ZHX3: variants seen among roughly 807,000 people sequenced by gnomAD.
ZHX3 encodes the protein zinc fingers and homeoboxes 3, also known as zinc fingers and homeoboxes protein 3.
A neutral mutation model predicts 64.5 loss-of-function variants in ZHX3; 20 were observed. That is an observed-to-expected ratio of 0.31 (90% CI 0.22 to 0.45). The LOEUF is 0.45. Ranked by LOEUF, ZHX3 falls within the 20% of genes least tolerant of loss-of-function variation. The pLI, the probability that ZHX3 is intolerant of heterozygous loss-of-function variation, is 1.00. For synonymous variants in ZHX3, 423 were observed against 461.6 expected, an observed-to-expected ratio of 0.92 and a Z score of 1.07; for missense variants, 1,041 against 1,195.8, an observed-to-expected ratio of 0.87 and a Z score of 1.91.
At chr20:41,284,373 G>T (rs2043834215) in intron 1 of ZHX3, among the ~76,000 whole-genome samples, 2 of 152,080 alleles carry the variant, frequency 1.3e-5, no homozygotes, top group African/African-American at 4.8e-5. Context: ...AGAGCAAGCT[G>T]CCCATTAGGT....
At chr20:41,261,416 T>A (rs942945782) in intron 2 of ZHX3, among the ~76,000 whole-genome samples, 18 of 152,032 alleles carry the variant, frequency 1.2e-4, no homozygotes, top group Non-Finnish European at 2.2e-4. Context: ...TTTCCTAGAG[T>A]GGTAGTCAAA....
At chr20:41,317,092 G>C (rs546547267) in intron 1 of ZHX3, 2 of 152,626 alleles carry the variant, frequency 1.3e-5, no homozygotes, top group Non-Finnish European at 2.9e-5. Flanking sequence ...GTGCACACGC[G>C]GAACGCACAC....
intron 2 of ZHX3, among the ~76,000 whole-genome samples, chr20:41,235,195 C>A (rs2040889860): frequency 6.6e-6 from 1 of 151,476 alleles, no homozygotes; most frequent in Admixed American, 6.6e-5. Flanking sequence ...TGGCAAACAA[C>A]AACAACAAAA....
Position 41,202,943 on chromosome 20 carries a change from G to C in ZHX3, c.1974C>G (p.Ser658Arg). ...ETKMTRREID[S>R]WFSERRKKVN... The stretch of plus-strand genomic sequence containing the variant: ...CTTTTTTCCGTCTCTCTGAAAACCA[G>C]CTATCAATTTCTCGTCGGGTCATTT... Residue 658 changes from serine (S) to arginine (R), a missense_variant, in exon 3 of 4, where the codon AGC becomes AGG. By Grantham distance (110) the Ser-to-Arg change is moderately radical. Transcript: ENST00000683867. The surrounding 1 kb of genome is among the most constrained non-coding windows in gnomAD (Gnocchi z 7.0). 1 of 1,614,116 alleles carries C rather than the reference G, an allele frequency of 6.2e-7. No individual in the cohort carries two copies. Among genetic ancestry groups the C allele is most frequent in the Non-Finnish European group, 8.5e-7 (1 of 1,180,020 alleles).
At chr20:41,220,695 T>C (rs757833543) in intron 2 of ZHX3, among the ~76,000 whole-genome samples, 8 of 152,036 alleles carry the variant, frequency 5.3e-5, no homozygotes, top group Non-Finnish European at 1.2e-4. Flanking sequence ...TGTTTTGTTT[T>C]TGTTTTGTTT....
intron 2 of ZHX3, among the ~76,000 whole-genome samples, chr20:41,260,151 G>A (rs1468313583): frequency 6.7e-6 from 1 of 148,460 alleles, no homozygotes; most frequent in Non-Finnish European, 1.5e-5. Flanking sequence ...AAAGAAAGAT[G>A]ATATAAAACA....
rs1172809479 is a variant in ZHX3 at position 41,204,682 on chromosome 20, A to G, written c.235T>C (p.Cys79Arg). 5 of 1,614,244 alleles carry G rather than the reference A, an allele frequency of 3.1e-6. No homozygotes were observed. The Admixed American group carries it at 6.7e-5, about 22-fold the overall frequency. The part of the protein sequence containing the change: ...RSTLDGYLYS[C>R]KYCDFRSHDM... ...TGGGATCTGAAATCGCAGTATTTAC[A>G]GGAATATAAATAGCCATCTAAAGTG... The change falls in exon 3 of 4, where the codon TGT (cysteine) becomes CGT (arginine). Residue 79 changes from cysteine (C) to arginine (R), a missense_variant. Physicochemically the swap from Cys to Arg is radical, Grantham distance 180. Coordinates refer to ENST00000683867, the MANE Select transcript of ZHX3 (RefSeq NM_001384317.1). The surrounding 1 kb of genome is among the most constrained non-coding windows in gnomAD (Gnocchi z 6.6).
At chr20:41,231,703 T>C (rs905708163) in intron 2 of ZHX3, among the ~76,000 whole-genome samples, 1 of 152,082 alleles carries the variant, frequency 6.6e-6, no homozygotes, top group Admixed American at 6.6e-5. Context: ...AGTTAATAAA[T>C]GAATAAAATG....
chr20:41,246,473 TG>T (rs2041693873), intron 2 of ZHX3, among the ~76,000 whole-genome samples: 1 of 152,212 alleles, frequency 6.6e-6, no homozygotes, highest in Non-Finnish European at 1.5e-5. Context: ...TCTTCTAAAA[TG>T]GTGAGACTTT....
At chr20:41,194,033 G>A (rs1568791567) in intron 3 of ZHX3, among the ~76,000 whole-genome samples, 1 of 152,058 alleles carries the variant, frequency 6.6e-6, no homozygotes, top group Non-Finnish European at 1.5e-5. Flanking sequence ...TGTCATCTGT[G>A]AACAAAGATA....
chr20:41,275,379 G>A (rs1031553007), intron 1 of ZHX3, among the ~76,000 whole-genome samples: 29 of 152,132 alleles, frequency 1.9e-4, no homozygotes, highest in African/African-American at 7.0e-4. Flanking sequence ...TTGAATTTCT[G>A]AGTCAATGTT....
At position 41,243,587 on chromosome 20, in the gene ZHX3, T is replaced by A. The variant is rs1052056345; in HGVS notation, c.-151+25403A>T. On this transcript the variant is annotated intron_variant, in intron 2 of 3. Coordinates refer to ENST00000683867, the MANE Select transcript of ZHX3 (RefSeq NM_001384317.1). ...ACAGAGCTGGACAATTATAGTTGGA[T>A]ACCAGACTGAATCTCCTGACACTAT... Among the ~76,000 whole-genome samples the A allele has an allele frequency of 2.6e-5, 4 of 152,182 alleles. No homozygotes were observed. In the East Asian group the frequency reaches 7.7e-4, roughly 29 times the overall value.
intron 2 of ZHX3, among the ~76,000 whole-genome samples, chr20:41,266,725 T>G (rs2042873180): frequency 1.3e-5 from 2 of 151,888 alleles, no homozygotes; most frequent in African/African-American, 4.8e-5. Flanking sequence ...TTTTGTATTT[T>G]TAGTAGAGAC....
At chr20:41,293,606 T>C (rs2044359358) in intron 1 of ZHX3, among the ~76,000 whole-genome samples, 2 of 152,150 alleles carry the variant, frequency 1.3e-5, no homozygotes, top group South Asian at 2.1e-4. Context: ...AGACCACTTC[T>C]AGAGAACTAG....
intron 2 of ZHX3, among the ~76,000 whole-genome samples, chr20:41,253,690 G>A: frequency 6.6e-6 from 1 of 152,044 alleles, no homozygotes; most frequent in East Asian, 1.9e-4. Context: ...ATACAGTTAA[G>A]ATTTAACTAC....
intron 2 of ZHX3, among the ~76,000 whole-genome samples, chr20:41,233,063 A>G (rs2040731801): frequency 1.3e-5 from 2 of 152,204 alleles, no homozygotes; most frequent in South Asian, 4.1e-4. Context: ...CCTGTTACAC[A>G]AGCAACCTCA....
At chr20:41,286,911 GCT>G (rs1246446258) in intron 1 of ZHX3, among the ~76,000 whole-genome samples, 2 of 151,218 alleles carry the variant, frequency 1.3e-5, no homozygotes, top group East Asian at 2.0e-4. Context: ...TTTCCCCTGA[GCT>G]CTCTCTCTCT....
intron 1 of ZHX3, among the ~76,000 whole-genome samples, chr20:41,291,718 C>G (rs2044251819): frequency 6.6e-6 from 1 of 151,336 alleles, no homozygotes; most frequent in African/African-American, 2.4e-5. Flanking sequence ...ATATTCAAAA[C>G]CTACAAAAGT....
At chr20:41,259,107 C>A (rs564831481) in intron 2 of ZHX3, among the ~76,000 whole-genome samples, 1 of 152,262 alleles carries the variant, frequency 6.6e-6, no homozygotes, top group South Asian at 2.1e-4. Context: ...TCCATATGAA[C>A]CTTTTTTCCT....
Sources: allele counts gnomAD v4.1 joint callset (sites outside exome capture counted in the v4.1 genomes callset), GRCh38; gene constraint gnomAD v4.1.1; non-coding constraint Gnocchi (gnomAD v3.1); transcripts MANE v1.5; gene names NCBI Gene and HGNC (gene_info 2026-07-23, HGNC 2026-07-21).